Variants in MARCHF11 observed in about 807,000 individuals in gnomAD.
The protein encoded by MARCHF11 is E3 ubiquitin-protein ligase MARCHF11.
Under a neutral mutation model 37.3 loss-of-function variants are expected in MARCHF11, and 29 were observed. The ratio of observed to expected loss-of-function variants is 0.78; its 90% CI spans 0.58 to 1.06. The LOEUF is 1.06. Ranked by LOEUF, MARCHF11 falls within the 50% of genes least tolerant of loss-of-function variation. The probability of loss-of-function intolerance (pLI) is 0.00; values close to 1 mark genes in which losing one functional copy is unlikely to be tolerated. For synonymous variants in MARCHF11, 233 were observed against 228.0 expected (o/e 1.02, Z -0.20); for missense variants, 482 against 533.4 (o/e 0.90, Z 0.95).
At chr5:16,094,518 C>CGT (rs946472246) in intron 2 of MARCHF11, among the ~76,000 whole-genome samples, 32 of 150,900 alleles carry the variant, frequency 2.1e-4, no homozygotes, top group East Asian at 3.9e-4. Flanking sequence ...TCTGTGTGTA[C>CGT]GTGTGTGTGT....
intron 2 of MARCHF11, among the ~76,000 whole-genome samples, chr5:16,155,837 T>C (rs1737970520): frequency 6.6e-6 from 1 of 151,786 alleles, no homozygotes. Flanking sequence ...CACTGTATTG[T>C]AACACAAACG....
chr5:16,150,764 A>G (rs1010838190), intron 2 of MARCHF11, among the ~76,000 whole-genome samples: 4 of 151,970 alleles, frequency 2.6e-5, no homozygotes, highest in Non-Finnish European at 4.4e-5. Flanking sequence ...CACATCTTTC[A>G]TGGTGCATTT....
intron 2 of MARCHF11, among the ~76,000 whole-genome samples, chr5:16,128,164 T>C (rs894068060): frequency 3.3e-5 from 5 of 152,076 alleles, no homozygotes; most frequent in Non-Finnish European, 7.3e-5. Flanking sequence ...TACCTGTATT[T>C]TTATTGAAAT....
At position 16,072,752 on chromosome 5, in the gene MARCHF11, G is replaced by A. The variant is rs563814301; in HGVS notation, c.887-4959C>T. The stretch of plus-strand genomic sequence containing the variant: ...TCCTTTGTGGTTTCATCAGGGGCTT[G>A]CATTTCCTGGGAGGGCTGGGGGTGA... On this transcript the variant is annotated intron_variant, in intron 3 of 3. Transcript: ENST00000332432. Among the ~76,000 whole-genome samples the A allele has an allele frequency of 7.2e-5, 11 of 152,226 alleles. No individual in the cohort carries two copies. In the East Asian group the frequency reaches 1.5e-3, roughly 21 times the overall value.
chr5:16,079,731 T>C (rs1736575809), intron 3 of MARCHF11, among the ~76,000 whole-genome samples: 1 of 152,212 alleles, frequency 6.6e-6, no homozygotes, highest in African/African-American at 2.4e-5. Flanking sequence ...ATTGTGCTTT[T>C]GTCTAAGCAG....
chr5:16,080,539 G>T (rs1042715041), intron 3 of MARCHF11, among the ~76,000 whole-genome samples: 1 of 152,152 alleles, frequency 6.6e-6, no homozygotes, highest in African/African-American at 2.4e-5. Context: ...TCTGCAAAAA[G>T]AAAACACTCA....
intron 2 of MARCHF11, among the ~76,000 whole-genome samples, chr5:16,109,539 A>C (rs1018801703): frequency 2.0e-5 from 3 of 152,206 alleles, no homozygotes; most frequent in African/African-American, 7.2e-5. Context: ...TGCCTTACGG[A>C]TCTCTTCCAT....
At chr5:16,169,914 C>T (rs902074774) in intron 2 of MARCHF11, among the ~76,000 whole-genome samples, 3 of 152,086 alleles carry the variant, frequency 2.0e-5, no homozygotes, top group Non-Finnish European at 2.9e-5. Context: ...AGCCGAGTTT[C>T]CTTTATACCA....
At position 16,087,192 on chromosome 5, in the gene MARCHF11, C is replaced by A. The variant is rs562771192; in HGVS notation, c.886+3697G>T. ...ACAGATGTGAACTTTGTAATAAGTA[C>A]AGATTGAAAATTAAATTCACATTTG... On this transcript the variant is annotated intron_variant, in intron 3 of 3. Coordinates refer to ENST00000332432, the MANE Select transcript of MARCHF11 (RefSeq NM_001102562.3). 4.2e-4 allele frequency among the ~76,000 whole-genome samples: 64 copies of A among 152,306 alleles called. 1 individual carries two copies. The highest frequency in any genetic ancestry group is 1.5e-3 in the African/African-American group (64 of 41,552).
intron 3 of MARCHF11, among the ~76,000 whole-genome samples, chr5:16,083,846 A>C (rs1187954193): frequency 6.6e-6 from 1 of 152,242 alleles, no homozygotes; most frequent in African/African-American, 2.4e-5. Context: ...CATAGAAAGC[A>C]AACTACAAGG....
At chr5:16,082,940 A>G (rs150457568) in intron 3 of MARCHF11, among the ~76,000 whole-genome samples, 1 of 151,708 alleles carries the variant, frequency 6.6e-6, no homozygotes, top group Non-Finnish European at 1.5e-5. Context: ...CCCCCACTCC[A>G]TGGGTGAATG....
At position 16,119,656 on chromosome 5, in the gene MARCHF11, A is replaced by T. The variant is rs772015570; in HGVS notation, c.694-28575T>A. Among the ~76,000 whole-genome samples, 16 of 130,616 alleles carry T rather than the reference A, an allele frequency of 1.2e-4. 1 individual carries two copies. The highest frequency in any genetic ancestry group is 4.9e-4 in the Admixed American group (7 of 14,184). The allele number at this position is 130,616 out of a possible 152,430, so 85.7% of individuals were successfully genotyped here. A position where few individuals can be genotyped will look rare whatever the true frequency, so the allele number is the denominator to read the frequency against. On this transcript the variant is annotated intron_variant, in intron 2 of 3. Transcript: ENST00000332432. ...AAGCCTTATAGGTTTTAAGATGTTT[A>T]AAAAAAAATGCCTATTCATGAACAC...
At chr5:16,137,206 T>G (rs978814119) in intron 2 of MARCHF11, among the ~76,000 whole-genome samples, 5 of 152,068 alleles carry the variant, frequency 3.3e-5, no homozygotes, top group African/African-American at 1.2e-4. Context: ...CCAACCAAAT[T>G]TCATCTTGAA....
chr5:16,139,063 T>A (rs747212176), intron 2 of MARCHF11, among the ~76,000 whole-genome samples: 1 of 152,144 alleles, frequency 6.6e-6, no homozygotes, highest in Non-Finnish European at 1.5e-5. Context: ...TGGGAAGGAA[T>A]GAATGGTTTT....
intron 2 of MARCHF11, among the ~76,000 whole-genome samples, chr5:16,149,281 T>C (rs1737852003): frequency 6.6e-6 from 1 of 152,066 alleles, no homozygotes; most frequent in Non-Finnish European, 1.5e-5. Context: ...ACGGCCTGAA[T>C]TAAATGAAGA....
rs539164824 is a variant in MARCHF11, at chr5:16,100,764, G to A, written c.694-9683C>T. On this transcript the variant is annotated intron_variant, in intron 2 of 3. Coordinates refer to ENST00000332432, the MANE Select transcript of MARCHF11 (RefSeq NM_001102562.3). ...AAGGTATATCAGAGCAGCAGAAGGT[G>A]TAAAAAGTTTTCTTAGAAGGAATAA... 3.3e-5 allele frequency among the ~76,000 whole-genome samples: 5 copies of A among 152,334 alleles called. No homozygotes were observed. The South Asian group carries it at 6.2e-4, about 19-fold the overall frequency.
At chr5:16,076,068 A>G (rs1579673732) in intron 3 of MARCHF11, among the ~76,000 whole-genome samples, 1 of 152,220 alleles carries the variant, frequency 6.6e-6, no homozygotes, top group South Asian at 2.1e-4. Flanking sequence ...CAGGCAAAAT[A>G]GAGAGAGTAA....
chr5:16,166,822 A>G (rs1341535318), intron 2 of MARCHF11, among the ~76,000 whole-genome samples: 2 of 151,984 alleles, frequency 1.3e-5, no homozygotes, highest in African/African-American at 4.8e-5. Flanking sequence ...CACATGATCC[A>G]TTTTAGCATA....
At chr5:16,102,963 C>T (rs1007454168) in intron 2 of MARCHF11, among the ~76,000 whole-genome samples, 1 of 152,158 alleles carries the variant, frequency 6.6e-6, no homozygotes, top group East Asian at 1.9e-4. Context: ...ACTATCTTGT[C>T]TTAACACCAC....
Sources: allele counts gnomAD v4.1 joint callset (sites outside exome capture counted in the v4.1 genomes callset), GRCh38; gene constraint gnomAD v4.1.1; transcripts MANE v1.5; gene names NCBI Gene and HGNC (gene_info 2026-07-23, HGNC 2026-07-21).